AGO2: variants seen among roughly 807,000 people sequenced by gnomAD.
The protein encoded by AGO2 is argonaute RISC catalytic component 2, also known as protein argonaute-2.
Under a neutral mutation model 102.3 loss-of-function variants are expected in AGO2, and 5 were observed. The observed-to-expected ratio is 0.05, with a 90% CI of 0.03 to 0.10. The LOEUF (loss-of-function observed/expected upper bound fraction) is 0.10. AGO2 is among the 10% of genes least tolerant of loss of function. The pLI is 1.00. For synonymous variants in AGO2, 449 were observed against 473.1 expected (o/e 0.95, Z 0.66); for missense variants, 541 against 1,183.7 (o/e 0.46, Z 7.97).
chr8:140,554,005 A>T (rs1408286677), intron 10 of AGO2, among the ~76,000 whole-genome samples: 1 of 152,218 alleles, frequency 6.6e-6, no homozygotes, highest in East Asian at 1.9e-4. Context: ...CCCAGCCTAC[A>T]AGCTCTCTTA....
At chr8:140,607,515 T>TATAC (rs2074019365) in intron 1 of AGO2, among the ~76,000 whole-genome samples, 3 of 18,892 alleles carry the variant, frequency 1.6e-4, no homozygotes, top group South Asian at 1.5e-3. Flanking sequence ...TATATATATA[T>TATAC]ACACACACAC....
At chr8:140,612,138 G>A (rs374809522) in intron 1 of AGO2, among the ~76,000 whole-genome samples, 3 of 149,670 alleles carry the variant, frequency 2.0e-5, no homozygotes, top group Non-Finnish European at 4.4e-5. Flanking sequence ...CAGGAGAATC[G>A]CTTGAACCTG....
At chr8:140,544,397 G>T in intron 13 of AGO2, 94 bp from the exon 14 acceptor site, 1 of 994,096 alleles carries the variant, frequency 1.0e-6, no homozygotes. Context: ...GGTGGTCAGT[G>T]TATCATGGTA....
chr8:140,533,389 CAAA>C (rs371478800), intron 17 of AGO2, among the ~76,000 whole-genome samples: 16 of 96,218 alleles, frequency 1.7e-4, no homozygotes, highest in Non-Finnish European at 1.8e-4. Context: ...ACTCCGTCTC[CAAA>C]AAAAAAAAAA....
At chr8:140,588,861 A>G (rs1338560889) in intron 1 of AGO2, among the ~76,000 whole-genome samples, 1 of 152,246 alleles carries the variant, frequency 6.6e-6, no homozygotes, top group African/African-American at 2.4e-5. Context: ...AACCCAGCGC[A>G]GCGTCATGTA....
intron 1 of AGO2, among the ~76,000 whole-genome samples, chr8:140,620,174 G>A (rs75083424): frequency 2.0e-5 from 3 of 152,296 alleles, no homozygotes; most frequent in South Asian, 2.1e-4. Context: ...CAACAGCACC[G>A]GCCATGTGGG....
At chr8:140,554,068 T>C (rs1233697410) in intron 10 of AGO2, among the ~76,000 whole-genome samples, 1 of 152,222 alleles carries the variant, frequency 6.6e-6, no homozygotes, top group Non-Finnish European at 1.5e-5. Flanking sequence ...GCTCTTCTGT[T>C]TTTCAGACAA....
Position 140,583,257 on chromosome 8 carries a change from G to T in AGO2, c.215+1862C>A, listed in dbSNP as rs539294159. ...TATAAGGCTTTCAGACTTGGCCTGA[G>T]CCCCGCTACTGACACTCCAGGGTCT... On this transcript the variant is annotated intron_variant, in intron 2 of 18. Coordinates refer to ENST00000220592, the MANE Select transcript of AGO2 (RefSeq NM_012154.5). Among the ~76,000 whole-genome samples, 7 of 152,300 alleles carry T rather than the reference G, an allele frequency of 4.6e-5. No individual in the cohort carries two copies. The East Asian group carries it at 1.2e-3, about 25-fold the overall frequency.
At chr8:140,597,069 G>A (rs1267035465) in intron 1 of AGO2, among the ~76,000 whole-genome samples, 4 of 152,142 alleles carry the variant, frequency 2.6e-5, no homozygotes, top group African/African-American at 4.8e-5. Context: ...TGGGTTTTAC[G>A]TCATGGTTAA....
intron 10 of AGO2, chr8:140,555,613 G>C: frequency 3.0e-6 from 1 of 337,690 alleles, no homozygotes; most frequent in Non-Finnish European, 5.3e-6. Context: ...TTCGACCCTC[G>C]GTGAGTGTCT....
chr8:140,559,644 G>A, intron 5 of AGO2, 115 bp from the exon 6 acceptor site: 2 of 1,393,098 alleles, frequency 1.4e-6, no homozygotes, highest in Non-Finnish European at 1.9e-6. Flanking sequence ...CACCCGGCCG[G>A]GGTTCTCACT....
At chr8:140,616,887 A>G (rs1488401587) in intron 1 of AGO2, among the ~76,000 whole-genome samples, 1 of 152,228 alleles carries the variant, frequency 6.6e-6, no homozygotes, top group African/African-American at 2.4e-5. Flanking sequence ...AGAGACACAC[A>G]TCAGCACTGA....
At chr8:140,600,673 T>TGTTG in intron 1 of AGO2, among the ~76,000 whole-genome samples, 1 of 139,978 alleles carries the variant, frequency 7.1e-6, no homozygotes, top group Admixed American at 7.0e-5. Flanking sequence ...AGAGCGAAAC[T>TGTTG]CCGTGTCAAA....
chr8:140,584,324 C>G (rs1004975982), intron 2 of AGO2, among the ~76,000 whole-genome samples: 2 of 152,130 alleles, frequency 1.3e-5, no homozygotes, highest in African/African-American at 4.8e-5. Flanking sequence ...AAAAAACACG[C>G]CTGACCACAC....
At chr8:140,621,429 GA>G (rs2074216651) in intron 1 of AGO2, among the ~76,000 whole-genome samples, 1 of 152,210 alleles carries the variant, frequency 6.6e-6, no homozygotes, top group Admixed American at 6.5e-5. Flanking sequence ...TCGCAAGGCA[GA>G]AGCCAAGACT....
At chr8:140,637,429 T>G (rs1011099201), upstream of AGO2, 1 of 152,258 alleles carries the variant, frequency 6.6e-6, no homozygotes, top group African/African-American at 2.4e-5. Flanking sequence ...TCAGCCCGCC[T>G]TCAGCTCCTT....
chr8:140,569,269 G>T (rs562191350), intron 3 of AGO2, among the ~76,000 whole-genome samples: 1 of 152,354 alleles, frequency 6.6e-6, no homozygotes, highest in African/African-American at 2.4e-5. Flanking sequence ...TCCAGGCAGG[G>T]TCTGCTATTG....
At chr8:140,629,346 C>T (rs962801428) in intron 1 of AGO2, among the ~76,000 whole-genome samples, 8 of 152,036 alleles carry the variant, frequency 5.3e-5, no homozygotes, top group Non-Finnish European at 7.4e-5. Flanking sequence ...TTCCCTTCAG[C>T]GCAGGCGCCC....
chr8:140,629,525 T>C (rs944214374), intron 1 of AGO2, among the ~76,000 whole-genome samples: 2 of 151,978 alleles, frequency 1.3e-5, no homozygotes, highest in South Asian at 2.1e-4. Context: ...TGTCTGTCCA[T>C]CTCGATGACA....
Sources: allele counts gnomAD v4.1 joint callset (sites outside exome capture counted in the v4.1 genomes callset), GRCh38; gene constraint gnomAD v4.1.1; transcripts MANE v1.5; gene names NCBI Gene and HGNC (gene_info 2026-07-23, HGNC 2026-07-21).